CTBS: variants seen among roughly 807,000 people sequenced by gnomAD.
The protein encoded by CTBS is chitobiase, also known as di-N-acetylchitobiase.
Under a neutral mutation model 44.3 loss-of-function variants are expected in CTBS, and 35 were observed. The ratio of observed to expected loss-of-function variants is 0.79; its 90% CI spans 0.60 to 1.05. The LOEUF (loss-of-function observed/expected upper bound fraction) is 1.05, where lower values mean the gene tolerates loss of function less well. CTBS is among the 50% of genes least tolerant of loss of function. CTBS has a pLI of 0.00. For synonymous variants in CTBS, 143 were observed against 168.0 expected, an observed-to-expected ratio of 0.85 and a Z score of 1.15; for missense variants, 458 against 475.3, an observed-to-expected ratio of 0.96 and a Z score of 0.34.
intron 6 of CTBS, among the ~76,000 whole-genome samples, chr1:84,555,566 C>T (rs2102014929): frequency 6.6e-6 from 1 of 152,304 alleles, no homozygotes; most frequent in South Asian, 2.1e-4. Flanking sequence ...GGTATTATTG[C>T]TTATGGCACT....
intron 6 of CTBS, chr1:84,556,028 T>C (rs2102015571): frequency 1.3e-5 from 2 of 152,352 alleles, no homozygotes; most frequent in Admixed American, 6.5e-5. Flanking sequence ...GTCTTACAGA[T>C]ACATTCTCAG....
chr1:84,566,646 TG>T (rs1368192141), intron 3 of CTBS, among the ~76,000 whole-genome samples: 2 of 152,146 alleles, frequency 1.3e-5, no homozygotes, highest in Non-Finnish European at 1.5e-5. Context: ...CTTTCTTTTT[TG>T]GGGGGGATGG....
Position 84,563,341 on chromosome 1 carries a change from G to T in CTBS, c.873C>A (p.Tyr291Ter), listed in dbSNP as rs1570471474. ...CSDAAGRQVPYKTIMKQINSS... is the reference protein window; with the variant it reads ...CSDAAGRQVP ...TATTTATTTGCTTCATGATCGTTTT[G>T]TAGGGCACCTGACGTCCTGCAGCGT... The change falls in exon 6 of 7, where the codon TAC becomes TAA. Residue 291 changes from tyrosine to a stop codon, truncating the protein, a stop_gained. Coordinates refer to ENST00000370630, the MANE Select transcript of CTBS (RefSeq NM_004388.3). LOFTEE classifies it high-confidence loss of function. 1 of 1,599,386 alleles carries T rather than the reference G, an allele frequency of 6.3e-7. No individual in the cohort carries two copies. Among genetic ancestry groups the T allele is most frequent in the Non-Finnish European group, 8.5e-7 (1 of 1,173,292 alleles).
At position 84,563,974 on chromosome 1, in the gene CTBS, A is replaced by G. The variant is rs1333939832; in HGVS notation, c.698-142T>C. The G allele has an allele frequency of 9.6e-6, 9 of 936,590 alleles. No individual in the cohort carries two copies. In the East Asian group the frequency reaches 2.3e-4, roughly 24 times the overall value. 58.0% of individuals were successfully genotyped at this position (936,590 alleles called of 1,614,324 possible). A position where few individuals can be genotyped will look rare whatever the true frequency, so the allele number is the denominator to read the frequency against. ...CTAATATTGTTTAATATGTTATAAA[A>G]CATCCCTTAAGAACCATAAATTCTA... On this transcript the variant is annotated intron_variant, in intron 4 of 6. Coordinates refer to ENST00000370630, the MANE Select transcript of CTBS (RefSeq NM_004388.3).
Position 84,563,783 on chromosome 1 carries a change from C to G in CTBS, c.747G>C (p.Met249Ile). 6.2e-7 allele frequency: 1 copy of G among 1,608,862 alleles called. No homozygotes were observed. Among genetic ancestry groups the G allele is most frequent in the Non-Finnish European group, 8.5e-7 (1 of 1,177,048 alleles). The change falls in exon 5 of 7, where the codon ATG (methionine) becomes ATC (isoleucine). Residue 249 changes from methionine (M) to isoleucine (I), a missense_variant. Transcript: ENST00000370630. ...AATCATAACCATACCAAGGAACACC[C>G]ATTACAAGTTTCTTAGGATTAATGC... ...KMSINPKKLV[M>I]GVPWYGYDYT...
At chr1:84,559,433 C>A (rs1684546295) in intron 6 of CTBS, among the ~76,000 whole-genome samples, 1 of 152,096 alleles carries the variant, frequency 6.6e-6, no homozygotes, top group Admixed American at 6.6e-5. Context: ...CCAGCCTGGC[C>A]AACATGGTGA....
At chr1:84,559,029 A>G (rs913194208) in intron 6 of CTBS, among the ~76,000 whole-genome samples, 2 of 152,188 alleles carry the variant, frequency 1.3e-5, no homozygotes, top group Non-Finnish European at 2.9e-5. Context: ...TCTATGTTAC[A>G]TATTTTTAAA....
chr1:84,565,428 A>AT (rs1354403411), intron 4 of CTBS, among the ~76,000 whole-genome samples: 1 of 152,192 alleles, frequency 6.6e-6, no homozygotes, highest in Non-Finnish European at 1.5e-5. Context: ...GTGCCCAACC[A>AT]TATCTATCTT....
At position 84,561,583 on chromosome 1, in the gene CTBS, A is replaced by G. The variant is rs543205947; in HGVS notation, c.957+1674T>C. Among the ~76,000 whole-genome samples the G allele has an allele frequency of 4.6e-5, 7 of 152,330 alleles. No homozygotes were observed. In the South Asian group the frequency reaches 1.2e-3, roughly 27 times the overall value. On this transcript the variant is annotated intron_variant, in intron 6 of 6. Coordinates refer to ENST00000370630, the MANE Select transcript of CTBS (RefSeq NM_004388.3). ...GTTCTACTGTGGGTAAAATGCAATC[A>G]AATAGCATCACGTTTTACACAGAAA... is the stretch of plus-strand genomic sequence containing the variant.
Position 84,554,790 on chromosome 1 carries a change from G to A in CTBS, c.*209C>T. The A allele has an allele frequency of 4.2e-6, 2 of 481,478 alleles. No homozygotes were observed. The highest frequency in any genetic ancestry group is 7.3e-6 in the Non-Finnish European group (2 of 273,276). The allele number at this position is 481,478 out of a possible 1,614,324, so 29.8% of individuals were successfully genotyped here. On this transcript the variant is annotated 3_prime_UTR_variant, in exon 7 of 7. Transcript: ENST00000370630. ...ACATCTAATAGAGGAATATTTAATAGGTAAGTTGACTTGCTTCTTGCCTTT... is the reference window on the plus strand; with the variant it reads ...ACATCTAATAGAGGAATATTTAATAAGTAAGTTGACTTGCTTCTTGCCTTT...
chr1:84,564,350 C>CT (rs1684649511), intron 4 of CTBS, among the ~76,000 whole-genome samples: 1 of 152,152 alleles, frequency 6.6e-6, no homozygotes, highest in African/African-American at 2.4e-5. Flanking sequence ...ATCCCTGGAA[C>CT]TATCAGTCCT....
At chr1:84,558,179 A>T (rs1684504129) in intron 6 of CTBS, among the ~76,000 whole-genome samples, 1 of 152,214 alleles carries the variant, frequency 6.6e-6, no homozygotes, top group Admixed American at 6.5e-5. Context: ...AAAAAATGGT[A>T]TGTGAGGTAA....
intron 6 of CTBS, among the ~76,000 whole-genome samples, chr1:84,562,818 C>A (rs1215274968): frequency 6.6e-6 from 1 of 151,980 alleles, no homozygotes; most frequent in Admixed American, 6.5e-5. Flanking sequence ...ATTGTAAAGT[C>A]GATTATGACA....
In CTBS at chr1:84,555,006, TG is replaced by T. The variant is rs1357908773; in HGVS notation, c.1150del (p.Gln384ArgfsTer10). 5.0e-6 allele frequency: 8 copies of T among 1,613,210 alleles called. No individual in the cohort carries two copies. Among genetic ancestry groups the T allele is most frequent in the Non-Finnish European group, 6.8e-6 (8 of 1,179,452 alleles). On this transcript the variant is annotated frameshift_variant, in exon 7 of 7. Coordinates refer to ENST00000370630, the MANE Select transcript of CTBS (RefSeq NM_004388.3). LOFTEE classifies it high-confidence loss of function. ...TGGTTTGACAAAAGATGTTCATCTC[TG>T]TAACAGCTTTGGCTTTAAGACTTCC... ...MWEVLKPKLL[Q>X]R
At chr1:84,563,650 A>C in intron 5 of CTBS, 85 bp downstream of exon 5, 1 of 831,776 alleles carries the variant, frequency 1.2e-6, no homozygotes, top group South Asian at 2.4e-5. Context: ...AGAGATTCTA[A>C]AGTTTATATA....
intron 6 of CTBS, among the ~76,000 whole-genome samples, chr1:84,558,341 G>C (rs554465525): frequency 3.5e-4 from 53 of 150,834 alleles, no homozygotes; most frequent in African/African-American, 1.2e-3. Context: ...CCAGGCTGGA[G>C]TGCAGTGGCG....
chr1:84,563,934 C>A, intron 4 of CTBS, 102 bp from the exon 5 acceptor site: 1 of 1,320,290 alleles, frequency 7.6e-7, no homozygotes, highest in South Asian at 2.3e-5. Context: ...AAAACAAGTA[C>A]ATTTATAAAA....
chr1:84,562,354 T>C (rs533645733), intron 6 of CTBS, among the ~76,000 whole-genome samples: 2 of 152,336 alleles, frequency 1.3e-5, no homozygotes, highest in African/African-American at 4.8e-5. Context: ...AATAGGTATA[T>C]ACTTTCAGTT....
rs1250490989 is a variant in CTBS at position 84,550,905 on chromosome 1, C to T, written c.*4094G>A. 1.5e-5 allele frequency: 15 copies of T among 976,800 alleles called. No individual in the cohort carries two copies. The highest frequency in any genetic ancestry group is 1.8e-5 in the Non-Finnish European group (15 of 822,322). 60.5% of individuals were successfully genotyped at this position (976,800 alleles called of 1,614,324 possible). A position where few individuals can be genotyped will look rare whatever the true frequency, so the allele number is the denominator to read the frequency against. ...TGACATTTAATTTTTTATGGGTAAT[C>T]GTTTCATTTTTTCTGGTTATTTTCA... On this transcript the variant is annotated 3_prime_UTR_variant, in exon 7 of 7. Coordinates refer to ENST00000370630, the MANE Select transcript of CTBS (RefSeq NM_004388.3).
Sources: allele counts gnomAD v4.1 joint callset (sites outside exome capture counted in the v4.1 genomes callset), GRCh38; gene constraint gnomAD v4.1.1; transcripts MANE v1.5; gene names NCBI Gene and HGNC (gene_info 2026-07-23, HGNC 2026-07-21).